Variants in RBM47 observed in about 807,000 individuals in gnomAD.
RBM47 encodes the protein RNA-binding protein 47.
In RBM47, 21 loss-of-function variants were observed where a neutral mutation model predicts 47.1. The observed-to-expected ratio is 0.45, with a 90% CI of 0.32 to 0.64. The LOEUF is 0.64. Among genes scored for constraint, RBM47 ranks in the 30% least tolerant of loss-of-function variants. The pLI, the probability that RBM47 is intolerant of heterozygous loss-of-function variation, is 0.05. For missense variants in RBM47, 708 were observed against 870.9 expected (o/e 0.81, Z 2.35); for synonymous variants, 375 against 361.7 (o/e 1.04, Z -0.42).
chr4:40,591,751 A>C (rs1042898794), intron 1 of RBM47, among the ~76,000 whole-genome samples: 1 of 152,088 alleles, frequency 6.6e-6, no homozygotes, highest in Non-Finnish European at 1.5e-5. Flanking sequence ...CAGTTACCCT[A>C]ATGAGTAATA....
At chr4:40,623,847 G>A (rs571399253) in intron 1 of RBM47, among the ~76,000 whole-genome samples, 54 of 147,934 alleles carry the variant, frequency 3.7e-4, no homozygotes, top group South Asian at 1.0e-3. Flanking sequence ...AAACTTGTTT[G>A]TTTGTTTGTT....
chr4:40,500,685 T>C (rs1371726537), intron 2 of RBM47, among the ~76,000 whole-genome samples: 1 of 152,210 alleles, frequency 6.6e-6, no homozygotes, highest in Admixed American at 6.6e-5. Context: ...GAATTGGTCA[T>C]AGGTATAGCC....
rs533614679 is a variant in RBM47, at chr4:40,433,492, T to C, written c.1331-630A>G. Among the ~76,000 whole-genome samples, 13 of 152,320 alleles carry C rather than the reference T, an allele frequency of 8.5e-5. No homozygotes were observed. The East Asian group carries it at 2.5e-3, about 29-fold the overall frequency. On this transcript the variant is annotated intron_variant, in intron 5 of 6. Coordinates refer to ENST00000295971, the MANE Select transcript of RBM47 (RefSeq NM_001098634.2). ...AGTTTGAATGTTATTCTTGATGTCC[T>C]ACTGAGCAAGAAAGGGCCTCTGACT...
intron 2 of RBM47, among the ~76,000 whole-genome samples, chr4:40,514,925 A>G (rs926732816): frequency 7.7e-6 from 1 of 129,736 alleles, no homozygotes; most frequent in Non-Finnish European, 1.6e-5. Flanking sequence ...GCTGAGCTGA[A>G]AAACTGTCAA....
intron 2 of RBM47, among the ~76,000 whole-genome samples, chr4:40,494,711 C>T (rs1324107796): frequency 6.6e-6 from 1 of 152,160 alleles, no homozygotes; most frequent in Non-Finnish European, 1.5e-5. Flanking sequence ...CCCCAGAAGC[C>T]AGGGACAGGT....
intron 1 of RBM47, among the ~76,000 whole-genome samples, chr4:40,616,462 A>G (rs1370328600): frequency 6.6e-6 from 1 of 152,006 alleles, no homozygotes; most frequent in Non-Finnish European, 1.5e-5. Flanking sequence ...TTTTTTTTAG[A>G]ATAATCTCTG....
intron 3 of RBM47, among the ~76,000 whole-genome samples, chr4:40,454,618 C>A (rs1386463484): frequency 6.6e-6 from 1 of 152,176 alleles, no homozygotes; most frequent in African/African-American, 2.4e-5. Context: ...GCCTCAGCCT[C>A]TCGAGTAGCT....
At chr4:40,600,746 G>A (rs62301872) in intron 1 of RBM47, among the ~76,000 whole-genome samples, 29,120 of 150,920 alleles carry the variant, frequency 0.19, 3,295 homozygotes, top group Admixed American at 0.27. Flanking sequence ...CAGCACTTTG[G>A]GAGGCCAAGG....
chr4:40,426,222 A>G lies in RBM47; in HGVS notation c.1543-79T>C, dbSNP rs1019590570. On this transcript the variant is annotated intron_variant, in intron 6 of 6. Coordinates refer to ENST00000295971, the MANE Select transcript of RBM47 (RefSeq NM_001098634.2). Reference sequence around the variant, plus strand: ...TCCATTCATTCAACAAGCCTCTCCCAGAAGACGGGAATACAAAGACACAAA... The same window carrying G: ...TCCATTCATTCAACAAGCCTCTCCCGGAAGACGGGAATACAAAGACACAAA... 3.9e-6 allele frequency: 6 copies of G among 1,522,570 alleles called. No individual in the cohort carries two copies. The African/African-American group carries it at 6.9e-5, about 17-fold the overall frequency. The allele number at this position is 1,522,570 out of a possible 1,614,324, so 94.3% of individuals were successfully genotyped here.
chr4:40,561,426 G>A (rs575136116), intron 1 of RBM47, among the ~76,000 whole-genome samples: 2 of 151,670 alleles, frequency 1.3e-5, no homozygotes, highest in African/African-American at 4.8e-5. Context: ...GAGATGGGAT[G>A]TTGACCAGGC....
chr4:40,435,477 G>A (rs892591245), intron 5 of RBM47, among the ~76,000 whole-genome samples: 1 of 152,126 alleles, frequency 6.6e-6, no homozygotes, highest in African/African-American at 2.4e-5. Context: ...TAACCCGGGA[G>A]GTGGAGGTTG....
chr4:40,589,560 C>T (rs530353655), intron 1 of RBM47, among the ~76,000 whole-genome samples: 50 of 152,228 alleles, frequency 3.3e-4, no homozygotes, highest in African/African-American at 1.1e-3. Flanking sequence ...CCTCAGCCTC[C>T]CAAGTAGCTG....
intron 2 of RBM47, among the ~76,000 whole-genome samples, chr4:40,535,647 A>C: frequency 6.8e-6 from 1 of 148,020 alleles, no homozygotes; most frequent in South Asian, 2.2e-4. Context: ...TGCAACCTCC[A>C]CCTCCCGGGG....
chr4:40,510,272 T>C (rs1196749517), intron 2 of RBM47, among the ~76,000 whole-genome samples: 1 of 151,948 alleles, frequency 6.6e-6, no homozygotes, highest in African/African-American at 2.4e-5. Context: ...CCATTGCTTC[T>C]GGATTGGATG....
intron 2 of RBM47, among the ~76,000 whole-genome samples, chr4:40,468,964 T>C (rs1370935000): frequency 6.6e-6 from 1 of 152,232 alleles, no homozygotes; most frequent in Non-Finnish European, 1.5e-5. Flanking sequence ...GTCTGGACAA[T>C]AGACTCCTGC....
chr4:40,534,556 C>T (rs775868148), intron 2 of RBM47, among the ~76,000 whole-genome samples: 38 of 152,152 alleles, frequency 2.5e-4, no homozygotes, highest in Non-Finnish European at 5.1e-4. Flanking sequence ...TGTGAGTTAG[C>T]GAACTCCTGG....
intron 6 of RBM47, chr4:40,427,423 C>T (rs1195625755): frequency 6.6e-6 from 1 of 152,208 alleles, no homozygotes; most frequent in Non-Finnish European, 1.5e-5. Flanking sequence ...TTCCTTCTGT[C>T]TACTTGAAAG....
At chr4:40,606,325 A>G (rs1735755326) in intron 1 of RBM47, among the ~76,000 whole-genome samples, 1 of 152,134 alleles carries the variant, frequency 6.6e-6, no homozygotes. Flanking sequence ...ACTACTGTAG[A>G]GAATCAGGGA....
chr4:40,540,913 T>C (rs1396876189), intron 2 of RBM47, among the ~76,000 whole-genome samples: 2 of 152,008 alleles, frequency 1.3e-5, no homozygotes, highest in African/African-American at 4.8e-5. Flanking sequence ...CCTCATTCTA[T>C]TCTTTGTATT....
Sources: gnomAD v4.1 joint callset for allele counts (sites outside exome capture counted in the v4.1 genomes callset) on GRCh38, gnomAD v4.1.1 for gene constraint, MANE v1.5 for transcripts, NCBI Gene and HGNC (gene_info 2026-07-23, HGNC 2026-07-21) for gene names.